The following DRC11 variants were observed in gnomAD, a reference collection of about 807,000 sequenced individuals.
DRC11 encodes the protein IQ and AAA domain-containing protein 1.
At chr2:236,403,071 G>C in the DRC11 span, among the ~76,000 whole-genome samples, 1 of 151,936 alleles carries the variant, frequency 6.6e-6, no homozygotes, top group Non-Finnish European at 1.5e-5. Flanking sequence ...TTTGGTCTCT[G>C]GGAGCCCCTA....
chr2:236,331,681 CTCA>C, the DRC11 span: 1 of 1,018,050 alleles, frequency 9.8e-7, no homozygotes, highest in Non-Finnish European at 1.5e-6. This position sits in a 1 kb window ranked among gnomAD's most constrained non-coding sequence, Gnocchi z 4.8. Flanking sequence ...AAAGTTGCAT[CTCA>C]TCAAGAAAGG....
chr2:236,486,199 C>G, the DRC11 span, among the ~76,000 whole-genome samples: 1 of 152,172 alleles, frequency 6.6e-6, no homozygotes, highest in African/African-American at 2.4e-5. The surrounding 1 kb of genome is among the most constrained non-coding windows in gnomAD (Gnocchi z 5.7). Flanking sequence ...CTACAGGGAA[C>G]AGAATCCTGC....
At chr2:236,499,642 C>T in the DRC11 span, among the ~76,000 whole-genome samples, 1 of 152,266 alleles carries the variant, frequency 6.6e-6, no homozygotes, top group East Asian at 1.9e-4. This position sits in a 1 kb window ranked among gnomAD's most constrained non-coding sequence, Gnocchi z 4.7. Context: ...ACTGGCCAGG[C>T]TGGTCTCGAA....
At chr2:236,475,745 G>A in the DRC11 span, among the ~76,000 whole-genome samples, 10 of 152,216 alleles carry the variant, frequency 6.6e-5, no homozygotes, top group Non-Finnish European at 1.3e-4. The surrounding 1 kb of genome is among the most constrained non-coding windows in gnomAD (Gnocchi z 4.8). Flanking sequence ...ATTTGATTTT[G>A]TATATGGTGA....
chr2:236,374,331 G>A, the DRC11 span, among the ~76,000 whole-genome samples: 1,414 of 152,242 alleles, frequency 9.3e-3, 20 homozygotes, highest in African/African-American at 0.032. Flanking sequence ...AATATGGACA[G>A]GGGAAAAAAT....
chr2:236,368,181 G>A, the DRC11 span: 19 of 1,524,214 alleles, frequency 1.2e-5, no homozygotes, highest in Middle Eastern at 1.8e-4. Flanking sequence ...ATCCGCGCAC[G>A]CCGAGTCTTT....
the DRC11 span, among the ~76,000 whole-genome samples, chr2:236,435,788 G>A: frequency 1.3e-5 from 2 of 152,198 alleles, no homozygotes; most frequent in African/African-American, 4.8e-5. Context: ...CATATTGGTA[G>A]AGTTGAGTAG....
chr2:236,419,024 G>A, the DRC11 span: 2 of 1,361,494 alleles, frequency 1.5e-6, no homozygotes, highest in Non-Finnish European at 1.9e-6. The surrounding 1 kb of genome is among the most constrained non-coding windows in gnomAD (Gnocchi z 4.8). Flanking sequence ...TAGATAACAT[G>A]GTTTCTCTAG....
chr2:236,453,078 G>A, the DRC11 span, among the ~76,000 whole-genome samples: 11 of 152,128 alleles, frequency 7.2e-5, no homozygotes, highest in African/African-American at 2.4e-4. This position sits in a 1 kb window ranked among gnomAD's most constrained non-coding sequence, Gnocchi z 4.9. Flanking sequence ...CCGACCCATC[G>A]TTCAAAACCT....
the DRC11 span, chr2:236,454,657 G>A: frequency 4.5e-4 from 68 of 152,230 alleles, no homozygotes; most frequent in African/African-American, 1.4e-3. This position sits in a 1 kb window ranked among gnomAD's most constrained non-coding sequence, Gnocchi z 5.3. Context: ...AGAAAACTTG[G>A]ACTATAAAGG....
At chr2:236,392,082 A>AT in the DRC11 span, 2 of 1,610,696 alleles carry the variant, frequency 1.2e-6, no homozygotes, top group South Asian at 2.2e-5. This position sits in a 1 kb window ranked among gnomAD's most constrained non-coding sequence, Gnocchi z 5.1. Context: ...CTAGGAGAAT[A>AT]CAAAACATAC....
the DRC11 span, chr2:236,486,860 AG>A: frequency 6.2e-7 from 1 of 1,611,060 alleles, no homozygotes; most frequent in Non-Finnish European, 8.5e-7. The surrounding 1 kb of genome is among the most constrained non-coding windows in gnomAD (Gnocchi z 5.7). Flanking sequence ...CTCTTCTCTC[AG>A]TTTTTCAGTT....
chr2:236,380,790 G>A, the DRC11 span, among the ~76,000 whole-genome samples: 7 of 152,204 alleles, frequency 4.6e-5, no homozygotes, highest in Admixed American at 1.3e-4. This position sits in a 1 kb window ranked among gnomAD's most constrained non-coding sequence, Gnocchi z 4.9. Flanking sequence ...TTTCATGAAC[G>A]TAGGGACTGG....
the DRC11 span, among the ~76,000 whole-genome samples, chr2:236,308,368 T>C: frequency 1.3e-5 from 2 of 152,246 alleles, no homozygotes; most frequent in Non-Finnish European, 2.9e-5. The surrounding 1 kb of genome is among the most constrained non-coding windows in gnomAD (Gnocchi z 6.0). Flanking sequence ...GTCTGTGATT[T>C]TTATTCTTCA....
the DRC11 span, among the ~76,000 whole-genome samples, chr2:236,394,358 C>T: frequency 1.3e-5 from 2 of 152,070 alleles, no homozygotes; most frequent in African/African-American, 2.4e-5. The surrounding 1 kb of genome is among the most constrained non-coding windows in gnomAD (Gnocchi z 7.0). Flanking sequence ...TTGGGCCAGG[C>T]GCAGTGGCTC....
At chr2:236,479,193 A>G in the DRC11 span, among the ~76,000 whole-genome samples, 1 of 152,136 alleles carries the variant, frequency 6.6e-6, no homozygotes, top group Non-Finnish European at 1.5e-5. This position sits in a 1 kb window ranked among gnomAD's most constrained non-coding sequence, Gnocchi z 4.1. Flanking sequence ...TGCATGGAAT[A>G]TCTTATTCCA....
At chr2:236,342,204 C>A in the DRC11 span, among the ~76,000 whole-genome samples, 6 of 152,304 alleles carry the variant, frequency 3.9e-5, no homozygotes, top group East Asian at 9.7e-4. This position sits in a 1 kb window ranked among gnomAD's most constrained non-coding sequence, Gnocchi z 5.8. Context: ...CTGTATGGCA[C>A]CCGTAGCTGG....
chr2:236,442,217 T>C, the DRC11 span, among the ~76,000 whole-genome samples: 1 of 152,218 alleles, frequency 6.6e-6, no homozygotes, highest in African/African-American at 2.4e-5. Context: ...ATAATAAATA[T>C]ATTTTCCAAA....
chr2:236,396,816 G>A, the DRC11 span, among the ~76,000 whole-genome samples: 1 of 152,094 alleles, frequency 6.6e-6, no homozygotes, highest in East Asian at 1.9e-4. Context: ...TGACTTTATT[G>A]AGCCGATTAT....
Sources: gnomAD v4.1 joint callset for allele counts (sites outside exome capture counted in the v4.1 genomes callset) on GRCh38, gnomAD v4.1.1 for gene constraint, Gnocchi (gnomAD v3.1) non-coding constraint, MANE v1.5 for transcripts, NCBI Gene and HGNC (gene_info 2026-07-23, HGNC 2026-07-21) for gene names.